The following SCHIP1 variants were observed in gnomAD, a reference collection of about 807,000 sequenced individuals.
The protein encoded by SCHIP1 is schwannomin interacting protein 1.
SCHIP1 carries 8 observed loss-of-function variants against 29.7 expected under a neutral mutation model. The ratio of observed to expected loss-of-function variants is 0.27; its 90% confidence interval spans 0.16 to 0.49. The LOEUF (loss-of-function observed/expected upper bound fraction) is 0.49. Ranked by LOEUF, SCHIP1 falls within the 20% of genes least tolerant of loss-of-function variation. SCHIP1 has a pLI of 0.99. For missense variants in SCHIP1, 193 were observed against 294.6 expected, an observed-to-expected ratio of 0.66 and a Z score of 2.52; for synonymous variants, 76 against 94.9, an observed-to-expected ratio of 0.80 and a Z score of 1.16.
chr3:159,712,807 G>A, the SCHIP1 span, among the ~76,000 whole-genome samples: 2 of 150,016 alleles, frequency 1.3e-5, no homozygotes, highest in Admixed American at 6.7e-5. Flanking sequence ...GAGAGAGAAA[G>A]AAAAAGAAAG....
At chr3:159,799,879 T>C in the SCHIP1 span, among the ~76,000 whole-genome samples, 3 of 152,104 alleles carry the variant, frequency 2.0e-5, no homozygotes, top group Non-Finnish European at 4.4e-5. Flanking sequence ...ATGCAACAGA[T>C]TTGGATTCTA....
the SCHIP1 span, among the ~76,000 whole-genome samples, chr3:159,708,019 A>G: frequency 7.9e-5 from 12 of 151,988 alleles, no homozygotes; most frequent in African/African-American, 2.9e-4. Context: ...CCCTCTCTTC[A>G]AAATATCTCT....
the SCHIP1 span, among the ~76,000 whole-genome samples, chr3:159,721,208 A>G: frequency 6.6e-6 from 1 of 152,246 alleles, no homozygotes; most frequent in Non-Finnish European, 1.5e-5. Flanking sequence ...TTAATAGCAT[A>G]CCATGGACAC....
At chr3:159,520,398 G>C in the SCHIP1 span, among the ~76,000 whole-genome samples, 3 of 152,286 alleles carry the variant, frequency 2.0e-5, no homozygotes, top group African/African-American at 4.8e-5. Context: ...AGCAGTCTTG[G>C]GGGTACAGGA....
At chr3:159,504,677 G>T in the SCHIP1 span, among the ~76,000 whole-genome samples, 2 of 152,024 alleles carry the variant, frequency 1.3e-5, no homozygotes, top group Admixed American at 6.6e-5. Context: ...CTCGCAAACT[G>T]CCTGTCACAA....
At chr3:159,626,694 G>A in the SCHIP1 span, among the ~76,000 whole-genome samples, 1 of 152,192 alleles carries the variant, frequency 6.6e-6, no homozygotes, top group Non-Finnish European at 1.5e-5. Flanking sequence ...CCATTCAGTT[G>A]TGAGAAGTAT....
At chr3:159,384,084 A>G in the SCHIP1 span, among the ~76,000 whole-genome samples, 1 of 151,482 alleles carries the variant, frequency 6.6e-6, no homozygotes, top group Non-Finnish European at 1.5e-5. Flanking sequence ...TCTTTTCCTA[A>G]TTGAATACCC....
the SCHIP1 span, among the ~76,000 whole-genome samples, chr3:159,769,895 A>G: frequency 6.6e-6 from 1 of 152,274 alleles, no homozygotes; most frequent in Non-Finnish European, 1.5e-5. Flanking sequence ...TGAAACCATC[A>G]TGAACATCAA....
chr3:159,546,275 T>G, the SCHIP1 span, among the ~76,000 whole-genome samples: 4 of 152,140 alleles, frequency 2.6e-5, no homozygotes, highest in African/African-American at 9.7e-5. Flanking sequence ...TAGGCATAAT[T>G]TTCTTAATCC....
chr3:159,703,649 T>C, the SCHIP1 span, among the ~76,000 whole-genome samples: 26,924 of 152,200 alleles, frequency 0.18, 2,697 homozygotes, highest in African/African-American at 0.26. Flanking sequence ...CTCAGCATGA[T>C]ACAGTTCATT....
the SCHIP1 span, among the ~76,000 whole-genome samples, chr3:159,299,430 T>G: frequency 1.3e-5 from 2 of 152,274 alleles, no homozygotes; most frequent in South Asian, 4.2e-4. Flanking sequence ...AAATTAAGGA[T>G]ACAGATGGCC....
At chr3:159,598,426 G>A in the SCHIP1 span, among the ~76,000 whole-genome samples, 38 of 152,194 alleles carry the variant, frequency 2.5e-4, no homozygotes, top group Non-Finnish European at 4.6e-4. Flanking sequence ...TGTTCCAAAT[G>A]GGAGAAGTTG....
chr3:159,498,724 C>T, the SCHIP1 span, among the ~76,000 whole-genome samples: 1 of 151,836 alleles, frequency 6.6e-6, no homozygotes, highest in African/African-American at 2.4e-5. Context: ...TCACAGCAGT[C>T]CTATTTATGA....
At chr3:159,468,777 A>ATATATATATATTT in the SCHIP1 span, among the ~76,000 whole-genome samples, 11 of 127,338 alleles carry the variant, frequency 8.6e-5, no homozygotes, top group African/African-American at 3.3e-4. Flanking sequence ...ATATATATAT[A>ATATATATATATTT]TTTTTTTTAG....
chr3:159,487,509 T>C, the SCHIP1 span, among the ~76,000 whole-genome samples: 2 of 152,192 alleles, frequency 1.3e-5, no homozygotes, highest in Non-Finnish European at 2.9e-5. Flanking sequence ...GCTGCTTTTT[T>C]CCATGTGAAC....
chr3:159,684,134 TCTAA>T, the SCHIP1 span, among the ~76,000 whole-genome samples: 2,117 of 152,180 alleles, frequency 0.014, 41 homozygotes, highest in African/African-American at 0.048. Flanking sequence ...CACCTCCTAA[TCTAA>T]CTGTCACTGA....
At chr3:159,329,279 A>T in the SCHIP1 span, among the ~76,000 whole-genome samples, 1 of 152,208 alleles carries the variant, frequency 6.6e-6, no homozygotes, top group Non-Finnish European at 1.5e-5. Context: ...CTAAGCTATG[A>T]GTGAGAGGAC....
At chr3:159,727,432 C>T in the SCHIP1 span, among the ~76,000 whole-genome samples, 2 of 152,202 alleles carry the variant, frequency 1.3e-5, no homozygotes, top group African/African-American at 4.8e-5. Flanking sequence ...AAGAGCCCAG[C>T]ATGTTGTAGA....
chr3:159,647,461 A>G, the SCHIP1 span, among the ~76,000 whole-genome samples: 1 of 152,130 alleles, frequency 6.6e-6, no homozygotes, highest in Non-Finnish European at 1.5e-5. Context: ...GATCCTTCTC[A>G]GGTCCTTTGG....
Sources: allele counts gnomAD v4.1 joint callset (sites outside exome capture counted in the v4.1 genomes callset), GRCh38; gene constraint gnomAD v4.1.1; transcripts MANE v1.5; gene names NCBI Gene and HGNC (gene_info 2026-07-23, HGNC 2026-07-21).